The following PAX6 variants were observed in gnomAD, a reference collection of about 807,000 sequenced individuals.
PAX6 encodes the protein paired box protein Pax-6.
PAX6 carries 7 observed loss-of-function variants against 60.7 expected under a neutral mutation model. The ratio of observed to expected loss-of-function variants is 0.12; its 90% CI spans 0.07 to 0.22. The LOEUF (loss-of-function observed/expected upper bound fraction) is 0.22, where lower values mean the gene tolerates loss of function less well. PAX6 is among the 10% of genes least tolerant of loss of function. The pLI, the probability that PAX6 is intolerant of heterozygous loss-of-function variation, is 1.00. For missense variants in PAX6, 355 were observed against 555.2 expected (o/e 0.64, Z 3.62); for synonymous variants, 208 against 201.2 (o/e 1.03, Z -0.29).
upstream of PAX6, chr11:31,814,829 C>T (rs555499136): frequency 6.6e-6 from 1 of 152,504 alleles, no homozygotes; most frequent in South Asian, 2.1e-4. Context: ...CCAAGAAGAT[C>T]CCAGAGCCGC....
Position 31,801,599 on chromosome 11 carries a change from G to A in PAX6, c.361C>T (p.Leu121=), listed in dbSNP as rs778232245. The A allele has an allele frequency of 1.9e-6, 3 of 1,614,144 alleles. No homozygotes were observed. The highest frequency in any genetic ancestry group is 2.5e-6 in the Non-Finnish European group (3 of 1,180,024). ...TCGTTGGTACAGACCCCCTCGGACA[G>A]TAATCTGTCTCGGATTTCCCAAGCA... ...IFAWEIRDRL[L]SEGVCTNDNI... The change falls in exon 7 of 14, where the codon CTG becomes TTG. Residue 121 remains leucine, a synonymous_variant. Transcript: ENST00000640368.
intron 5 of PAX6, 172 bp downstream of exon 5, chr11:31,802,532 G>A (rs1009190624): frequency 2.7e-5 from 17 of 636,926 alleles, no homozygotes; most frequent in South Asian, 1.0e-4. Context: ...GAAGGATGGT[G>A]GAAGGAGAGG....
intron 8 of PAX6, among the ~76,000 whole-genome samples, chr11:31,799,067 G>C (rs887342161): frequency 1.3e-5 from 2 of 152,252 alleles, no homozygotes; most frequent in Non-Finnish European, 2.9e-5. Flanking sequence ...GGATCACCAG[G>C]ACCTCAGATT....
At chr11:31,791,162 C>A in intron 12 of PAX6, 1 of 456,684 alleles carries the variant, frequency 2.2e-6, no homozygotes, top group East Asian at 4.5e-5. Flanking sequence ...CTAACCTCTG[C>A]TAGCATCTTT....
chr11:31,794,420 C>CCACA (rs10525266), intron 9 of PAX6: 146 of 518,450 alleles, frequency 2.8e-4, no homozygotes, highest in Admixed American at 4.8e-4. Context: ...CACACACACA[C>CCACA]CACACACACA....
chr11:31,815,269 C>T (rs1259692207), upstream of PAX6, among the ~76,000 whole-genome samples: 1 of 152,142 alleles, frequency 6.6e-6, no homozygotes, highest in African/African-American at 2.4e-5. Context: ...GAAAAGTTTG[C>T]TTTCCATTTC....
At chr11:31,816,436 T>G (rs915867693) in intron 1 of PAX6, 15 of 661,822 alleles carry the variant, frequency 2.3e-5, no homozygotes, top group Non-Finnish European at 3.6e-5. Flanking sequence ...TGGTCAGAGG[T>G]AATTATGTCA....
rs1185901527 is a variant in PAX6, at chr11:31,793,444, A to C, written c.1068T>G (p.Pro356=). 1.9e-6 allele frequency: 3 copies of C among 1,613,950 alleles called. No homozygotes were observed. In the Admixed American group the frequency reaches 5.0e-5, roughly 27 times the overall value. The change falls in exon 12 of 14, where the codon CCT becomes CCG. Residue 356 remains proline, a synonymous_variant. Coordinates refer to ENST00000640368, the MANE Select transcript of PAX6 (RefSeq NM_001368894.2). ...CACCACCAGCCGCACTTACTTGCAT[A>C]GGCAGGTTATTTGCCATGGTGAAGC... ...MPSFTMANNL[P]MQPPVPSQTS... is the part of the protein sequence containing the mutation.
At chr11:31,802,047 TA>T in intron 5 of PAX6, 135 bp from the exon 6 acceptor site, 1 of 773,132 alleles carries the variant, frequency 1.3e-6, no homozygotes, top group Non-Finnish European at 2.1e-6. Flanking sequence ...AAAACGAATT[TA>T]AAAGCTTTTT....
chr11:31,806,413 C>G lies in PAX6; in HGVS notation c.-2G>C. ...CCAGAGGCACTTACTGTTCTGCATGCTGGCTCTGGCTGGGGGCCGCGGGAT... is the reference window on the plus strand; with the variant it reads ...CCAGAGGCACTTACTGTTCTGCATGGTGGCTCTGGCTGGGGGCCGCGGGAT... On this transcript the variant is annotated 5_prime_UTR_variant, in exon 4 of 14. Coordinates refer to ENST00000640368, the MANE Select transcript of PAX6 (RefSeq NM_001368894.2). The G allele has an allele frequency of 1.9e-6, 3 of 1,609,814 alleles. No individual in the cohort carries two copies. The highest frequency in any genetic ancestry group is 2.5e-6 in the Non-Finnish European group (3 of 1,178,230).
chr11:31,802,290 A>T, intron 5 of PAX6: 1 of 316,160 alleles, frequency 3.2e-6, no homozygotes, highest in Non-Finnish European at 5.8e-6. Flanking sequence ...TTATTCATAA[A>T]CATGAAGAAT....
chr11:31,799,271 G>C (rs1264987360), intron 8 of PAX6, among the ~76,000 whole-genome samples: 57 of 152,100 alleles, frequency 3.7e-4, no homozygotes. Flanking sequence ...CGCGGAGGCG[G>C]CGGGTTCGGG....
At chr11:31,815,158 C>T (rs1429152903), upstream of PAX6, among the ~76,000 whole-genome samples, 2 of 152,190 alleles carry the variant, frequency 1.3e-5, no homozygotes, top group Non-Finnish European at 2.9e-5. Context: ...CCTCCCAGTC[C>T]CTCCATGCTG....
At chr11:31,791,937 A>G (rs1321479368) in intron 12 of PAX6, 1 of 152,214 alleles carries the variant, frequency 6.6e-6, no homozygotes, top group African/African-American at 2.4e-5. Context: ...AAATTATGTA[A>G]TTTTTAAAAG....
In PAX6 at chr11:31,808,974, G is replaced by A. The variant is rs183394985; in HGVS notation, c.-129+1854C>T. 3.9e-5 allele frequency among the ~76,000 whole-genome samples: 6 copies of A among 152,314 alleles called. No homozygotes were observed. The East Asian group carries it at 1.2e-3, about 29-fold the overall frequency. ...CGAAGGAGTCTCCAGACATTTTGGAGTCGCCCCAGCCTTGGACCACAAGAG... is the reference window on the plus strand; with the variant it reads ...CGAAGGAGTCTCCAGACATTTTGGAATCGCCCCAGCCTTGGACCACAAGAG... On this transcript the variant is annotated intron_variant, in intron 2 of 13. Coordinates refer to ENST00000640368, the MANE Select transcript of PAX6 (RefSeq NM_001368894.2).
intron 2 of PAX6, chr11:31,810,557 C>CCA (rs1332421942): frequency 3.0e-5 from 8 of 270,010 alleles, no homozygotes; most frequent in Non-Finnish European, 4.8e-5. Context: ...GAGCTCAGCC[C>CCA]GCGCTGGCGC....
At chr11:31,790,110 A>AAAAAAC in intron 13 of PAX6, 91 bp from the exon 14 acceptor site, 2 of 799,180 alleles carry the variant, frequency 2.5e-6, no homozygotes, top group African/African-American at 3.6e-5. Flanking sequence ...AAAAAAAAAA[A>AAAAAAC]AAAAAAAAAA....
At chr11:31,813,955 C>T (rs930427086), upstream of PAX6, among the ~76,000 whole-genome samples, 1 of 152,148 alleles carries the variant, frequency 6.6e-6, no homozygotes, top group Non-Finnish European at 1.5e-5. Context: ...GACTGAGGTG[C>T]GGGCGCGGTT....
At chr11:31,794,457 C>G in intron 9 of PAX6, 173 bp downstream of exon 9, 1 of 577,974 alleles carries the variant, frequency 1.7e-6, no homozygotes, top group Non-Finnish European at 3.0e-6. Flanking sequence ...CACACACACA[C>G]ACACACACAC....
Sources: gnomAD v4.1 joint callset for allele counts (sites outside exome capture counted in the v4.1 genomes callset) on GRCh38, gnomAD v4.1.1 for gene constraint, MANE v1.5 for transcripts, NCBI Gene and HGNC (gene_info 2026-07-23, HGNC 2026-07-21) for gene names.